ALOX12B: variants seen among roughly 807,000 people sequenced by gnomAD.
ALOX12B encodes the protein arachidonate 12-lipoxygenase, 12R-type.
In ALOX12B, 47 loss-of-function variants were observed where a neutral mutation model predicts 78.9. The ratio of observed to expected loss-of-function variants is 0.60; its 90% CI spans 0.47 to 0.76. ALOX12B has a LOEUF of 0.76. Among genes scored for constraint, ALOX12B ranks in the 30% least tolerant of loss-of-function variants. The pLI, the probability that ALOX12B is intolerant of heterozygous loss-of-function variation, is 0.00. For synonymous variants in ALOX12B, 370 were observed against 374.5 expected, an observed-to-expected ratio of 0.99 and a Z score of 0.14; for missense variants, 805 against 922.6, an observed-to-expected ratio of 0.87 and a Z score of 1.65.
At chr17:8,081,352 A>G in intron 2 of ALOX12B, 165 bp from the exon 3 acceptor site, 1 of 712,970 alleles carries the variant, frequency 1.4e-6, no homozygotes, top group Admixed American at 2.1e-5. Context: ...GTCCGGAAAT[A>G]TCAGATAAAA....
At chr17:8,083,205 A>G (rs1978289372) in intron 2 of ALOX12B, among the ~76,000 whole-genome samples, 1 of 152,170 alleles carries the variant, frequency 6.6e-6, no homozygotes, top group Non-Finnish European at 1.5e-5. Flanking sequence ...ATGTATACAT[A>G]TACATATTTT....
intron 12 of ALOX12B, 105 bp downstream of exon 12, chr17:8,075,490 A>T: frequency 6.3e-7 from 1 of 1,580,584 alleles, no homozygotes; most frequent in South Asian, 1.1e-5. Flanking sequence ...TTCAGTCTAC[A>T]ATAAAATATG....
chr17:8,078,115 T>A (rs146593051), intron 8 of ALOX12B, among the ~76,000 whole-genome samples: 6 of 143,168 alleles, frequency 4.2e-5, no homozygotes, highest in Non-Finnish European at 7.6e-5. Flanking sequence ...TTTTATTTCA[T>A]TTTATTTATT....
At position 8,087,493 on chromosome 17, in the gene ALOX12B, G is replaced by A. The variant is rs374292583; in HGVS notation, c.-51C>T. On this transcript the variant is annotated 5_prime_UTR_variant, in exon 1 of 15. Transcript: ENST00000647874. The stretch of plus-strand genomic sequence containing the variant: ...GCACTCAGTCCCAGACACCGTGGAG[G>A]GGCCACACGAAGGCCCAAGGCAGGC... 51 of 1,612,652 alleles carry A rather than the reference G, an allele frequency of 3.2e-5. No individual in the cohort carries two copies. The highest frequency in any genetic ancestry group is 4.1e-5 in the Non-Finnish European group (48 of 1,179,960).
chr17:8,087,695 G>T lies in ALOX12B; in HGVS notation c.-253C>A, dbSNP rs1978307645. ...AGCCCAGCTGGTGGTGAGTGAGCAGGTGTCTGGGCTCCAAGCCTTCTGGGA... is the reference window on the plus strand; with the variant it reads ...AGCCCAGCTGGTGGTGAGTGAGCAGTTGTCTGGGCTCCAAGCCTTCTGGGA... On this transcript the variant is annotated 5_prime_UTR_variant, in exon 1 of 15. Transcript: ENST00000647874. 4 of 576,492 alleles carry T rather than the reference G, an allele frequency of 6.9e-6. No homozygotes were observed. The highest frequency in any genetic ancestry group is 6.0e-5 in the Admixed American group (2 of 33,214). The allele number at this position is 576,492 out of a possible 1,614,324, so 35.7% of individuals were successfully genotyped here. A position where few individuals can be genotyped will look rare whatever the true frequency, so the allele number is the denominator to read the frequency against.
rs1197908890 is a variant in ALOX12B at position 8,079,683 on chromosome 17, C to A, written c.927+86G>T. 3.2e-6 allele frequency: 5 copies of A among 1,546,262 alleles called. No homozygotes were observed. The highest frequency in any genetic ancestry group is 4.4e-6 in the Non-Finnish European group (5 of 1,144,832). ...GGGGTGCGGGCTTGCCTGGGACTGG[C>A]GCGGGCGCCGGAGGTGGGGAGAGAC... On this transcript the variant is annotated intron_variant, in intron 7 of 14. Coordinates refer to ENST00000647874, the MANE Select transcript of ALOX12B (RefSeq NM_001139.3). This position sits in a 1 kb window ranked among gnomAD's most constrained non-coding sequence, Gnocchi z 6.4.
chr17:8,081,381 CT>C (rs1977215425), intron 2 of ALOX12B, 194 bp from the exon 3 acceptor site: 1 of 662,742 alleles, frequency 1.5e-6, no homozygotes, highest in Non-Finnish European at 2.8e-6. Context: ...GACCCACCCT[CT>C]TTCCTCTTGC....
chr17:8,075,754 C>A, intron 11 of ALOX12B, 38 bp from the exon 12 acceptor site: 1 of 1,614,074 alleles, frequency 6.2e-7, no homozygotes, highest in Non-Finnish European at 8.5e-7. Context: ...GATCCTCCTC[C>A]CCTCCCACTC....
rs180746283 is a variant in ALOX12B at position 8,075,847 on chromosome 17, G to A, written c.1533-131C>T. The A allele has an allele frequency of 3.0e-4, 428 of 1,449,012 alleles. 7 individuals are homozygous for A. In the East Asian group the frequency reaches 9.6e-3, roughly 33 times the overall value. The allele number at this position is 1,449,012 out of a possible 1,614,324, so 89.8% of individuals were successfully genotyped here. ...CTGCCCCAGGCCTGTGGGAGGGCAA[G>A]TCCTGTGGGGCAGAAGTGGAGAGGA... On this transcript the variant is annotated intron_variant, in intron 11 of 14. Transcript: ENST00000647874.
Position 8,074,980 on chromosome 17 carries a change from G to T in ALOX12B, c.1654+615C>A, listed in dbSNP as rs371803986. The stretch of plus-strand genomic sequence containing the variant: ...AGCTAGATCTTAGCTTGCTGCTCCT[G>T]CCCTGTCTTCTCTCCACTACCCCTT... On this transcript the variant is annotated intron_variant, in intron 12 of 14. Coordinates refer to ENST00000647874, the MANE Select transcript of ALOX12B (RefSeq NM_001139.3). Among the ~76,000 whole-genome samples the T allele has an allele frequency of 5.3e-5, 8 of 152,160 alleles. No individual in the cohort carries two copies. The East Asian group carries it at 9.6e-4, about 18-fold the overall frequency.
chr17:8,080,376 G>GC lies in ALOX12B; in HGVS notation c.651-39dup. Reference sequence around the variant, plus strand: ...ATTCCAGGAAGAGGCCTTCAGAGGGGCTGCCAAGCGCCGGCTGGGGCAGGT... The same window carrying GC: ...ATTCCAGGAAGAGGCCTTCAGAGGGGCCTGCCAAGCGCCGGCTGGGGCAGGT... On this transcript the variant is annotated intron_variant, in intron 5 of 14. Transcript: ENST00000647874. The surrounding 1 kb of genome is among the most constrained non-coding windows in gnomAD (Gnocchi z 4.8). The GC allele has an allele frequency of 6.2e-7, 1 of 1,608,000 alleles. No homozygotes were observed. The highest frequency in any genetic ancestry group is 8.5e-7 in the Non-Finnish European group (1 of 1,174,542).
In ALOX12B at chr17:8,076,972, C is replaced by T. The variant is rs1977098789; in HGVS notation, c.1275+18G>A. The T allele has an allele frequency of 3.1e-6, 5 of 1,609,616 alleles. No individual in the cohort carries two copies. The highest frequency in any genetic ancestry group is 4.2e-6 in the Non-Finnish European group (5 of 1,178,066). ...GGGCCATGATGCCTGGGGGAGGCCC[C>T]TTCTCCCAAGCCCATACCTTGTAGA... On this transcript the variant is annotated intron_variant, in intron 9 of 14. Coordinates refer to ENST00000647874, the MANE Select transcript of ALOX12B (RefSeq NM_001139.3).
At position 8,072,744 on chromosome 17, in the gene ALOX12B, G is replaced by A. The variant is rs1424794815; in HGVS notation, c.*27C>T. The A allele has an allele frequency of 6.2e-7, 1 of 1,613,608 alleles. No individual in the cohort carries two copies. Among genetic ancestry groups the A allele is most frequent in the East Asian group, 2.2e-5 (1 of 44,892 alleles). On this transcript the variant is annotated 3_prime_UTR_variant, in exon 15 of 15. Transcript: ENST00000647874. ...GTTGAAAATAGTAGGGCACAGAATG[G>A]GGAGAGGAGAGACGGGAAGCGCGCT...
Position 8,080,177 on chromosome 17 carries a change from T to C in ALOX12B, c.754+58A>G. 1 of 1,580,752 alleles carries C rather than the reference T, an allele frequency of 6.3e-7. No individual in the cohort carries two copies. Among genetic ancestry groups the C allele is most frequent in the Non-Finnish European group, 8.7e-7 (1 of 1,149,778 alleles). On this transcript the variant is annotated intron_variant, in intron 6 of 14. Coordinates refer to ENST00000647874, the MANE Select transcript of ALOX12B (RefSeq NM_001139.3). The surrounding 1 kb of genome is among the most constrained non-coding windows in gnomAD (Gnocchi z 4.8). ...ACTGCCCCGAAGTCGGGGGCCTGCC[T>C]AGCACGCCGGAGACCGCCTGGCTCC... is the stretch of plus-strand genomic sequence containing the variant.
In ALOX12B at chr17:8,079,864, G is replaced by A. The variant is rs765590034; in HGVS notation, c.832C>T (p.Arg278Cys). 1.2e-5 allele frequency: 20 copies of A among 1,613,380 alleles called. No homozygotes were observed. In the East Asian group the frequency reaches 4.0e-4, roughly 32 times the overall value. Residue 278 changes from arginine (R) to cysteine (C), a missense_variant, in exon 7 of 15, where the codon CGC (arginine) becomes TGC (cysteine). By Grantham distance (180) the Arg-to-Cys change is radical. Transcript: ENST00000647874. The surrounding 1 kb of genome is among the most constrained non-coding windows in gnomAD (Gnocchi z 6.4). ...YLNGVNPGLI[R>C]RCTRIPDKFP... ...TTGTCTGGGATCCGCGTGCAGCGGC[G>A]GATCAGGCCGGGGTTGACGCCGTTG...
chr17:8,076,857 GC>G, intron 9 of ALOX12B, 114 bp from the exon 10 acceptor site: 1 of 1,442,134 alleles, frequency 6.9e-7, no homozygotes, highest in Non-Finnish European at 9.5e-7. Context: ...CCTATGCCAA[GC>G]CCTCTCTTGT....
intron 1 of ALOX12B, 45 bp downstream of exon 1, chr17:8,087,251 C>CAG (rs1978303559): frequency 7.8e-7 from 1 of 1,279,088 alleles, no homozygotes; most frequent in Non-Finnish European, 1.1e-6. Flanking sequence ...CACACACACA[C>CAG]ACACACAGAC....
Position 8,079,425 on chromosome 17 carries a change from C to G in ALOX12B, c.1042G>C (p.Glu348Gln), listed in dbSNP as rs764382022. 1.3e-6 allele frequency: 2 copies of G among 1,551,538 alleles called. No individual in the cohort carries two copies. The highest frequency in any genetic ancestry group is 1.4e-5 in the African/African-American group (1 of 73,138). The change falls in exon 8 of 15, where the codon GAG becomes CAG. Residue 348 changes from glutamate (E) to glutamine (Q), a missense_variant. Physicochemically the swap from Glu to Gln is conservative, Grantham distance 29. Coordinates refer to ENST00000647874, the MANE Select transcript of ALOX12B (RefSeq NM_001139.3). The surrounding 1 kb of genome is among the most constrained non-coding windows in gnomAD (Gnocchi z 6.4). ...ATGGCGATGGGCATCATCTTGCCCTCGGGTCCAAAGTGCAGCAGGCAGAGG... is the reference window on the plus strand; with the variant it reads ...ATGGCGATGGGCATCATCTTGCCCTGGGGTCCAAAGTGCAGCAGGCAGAGG... Reference protein sequence around the residue: ...APLCLLHFGPEGKMMPIAIQL... With the variant: ...APLCLLHFGPQGKMMPIAIQL...
intron 8 of ALOX12B, among the ~76,000 whole-genome samples, chr17:8,078,680 G>A (rs557649165): frequency 6.6e-6 from 1 of 152,258 alleles, no homozygotes; most frequent in East Asian, 2.0e-4. Context: ...AAGACAGCAA[G>A]CAGGTGAGAG....
Sources: gnomAD v4.1 joint callset for allele counts (sites outside exome capture counted in the v4.1 genomes callset) on GRCh38, gnomAD v4.1.1 for gene constraint, Gnocchi (gnomAD v3.1) non-coding constraint, MANE v1.5 for transcripts, NCBI Gene and HGNC (gene_info 2026-07-23, HGNC 2026-07-21) for gene names.